Variants in RALYL observed in about 807,000 individuals in gnomAD.
RALYL encodes RNA-binding Raly-like protein.
In RALYL, 29 loss-of-function variants were observed where a neutral mutation model predicts 35.1. The ratio of observed to expected loss-of-function variants is 0.83; its 90% CI spans 0.61 to 1.13. The LOEUF (loss-of-function observed/expected upper bound fraction) is 1.13. Among genes scored for constraint, RALYL ranks in the 50% most tolerant of loss-of-function variants. RALYL has a pLI of 0.00. For synonymous variants in RALYL, 120 were observed against 127.6 expected, an observed-to-expected ratio of 0.94 and a Z score of 0.40; for missense variants, 359 against 360.4, an observed-to-expected ratio of 1.00 and a Z score of 0.03.
At chr8:84,622,607 A>G (rs1297140472) in intron 2 of RALYL, among the ~76,000 whole-genome samples, 1 of 152,152 alleles carries the variant, frequency 6.6e-6, no homozygotes, top group East Asian at 1.9e-4. Flanking sequence ...GCATTAGTAC[A>G]TATAATTATT....
chr8:84,726,932 A>G (rs1237115740), intron 2 of RALYL, among the ~76,000 whole-genome samples: 1 of 152,108 alleles, frequency 6.6e-6, no homozygotes, highest in East Asian at 1.9e-4. Flanking sequence ...TGCAGCCCTC[A>G]GGAAAATAAG....
chr8:84,461,692 A>C (rs1051214284), intron 1 of RALYL, among the ~76,000 whole-genome samples: 1 of 151,752 alleles, frequency 6.6e-6, no homozygotes, highest in Middle Eastern at 3.2e-3. Context: ...GGCAAAAAAT[A>C]ATTATTTAAA....
chr8:84,310,964 G>T (rs1324442564), intron 1 of RALYL, among the ~76,000 whole-genome samples: 1 of 137,950 alleles, frequency 7.2e-6, no homozygotes, highest in Non-Finnish European at 1.5e-5. Flanking sequence ...GGAGAATGGC[G>T]TGAACCCGGG....
At chr8:84,669,760 T>G (rs1012040000) in intron 2 of RALYL, among the ~76,000 whole-genome samples, 1 of 152,076 alleles carries the variant, frequency 6.6e-6, no homozygotes, top group Non-Finnish European at 1.5e-5. Flanking sequence ...CCATTACTAA[T>G]GGAGAAGGTG....
chr8:84,467,235 A>G (rs528182199), intron 1 of RALYL, among the ~76,000 whole-genome samples: 2 of 151,966 alleles, frequency 1.3e-5, no homozygotes, highest in South Asian at 4.2e-4. Context: ...TTGTGATGTT[A>G]GGGTGTCAGT....
At chr8:84,329,756 A>G (rs1248856601) in intron 1 of RALYL, among the ~76,000 whole-genome samples, 1 of 152,114 alleles carries the variant, frequency 6.6e-6, no homozygotes, top group African/African-American at 2.4e-5. Context: ...TAGAACTTCT[A>G]TATTTTTCAC....
chr8:84,737,378 C>T (rs1847506808), intron 2 of RALYL, among the ~76,000 whole-genome samples: 1 of 151,936 alleles, frequency 6.6e-6, no homozygotes, highest in Admixed American at 6.6e-5. Flanking sequence ...CTATGTACTA[C>T]TAATAGTCAA....
At chr8:84,915,840 T>C (rs1848378746) in intron 8 of RALYL, among the ~76,000 whole-genome samples, 1 of 152,066 alleles carries the variant, frequency 6.6e-6, no homozygotes, top group Admixed American at 6.6e-5. Flanking sequence ...TATTAGAAAA[T>C]TATTTGTGAT....
chr8:84,799,961 A>AAAAT (rs962318367), intron 3 of RALYL, among the ~76,000 whole-genome samples: 15 of 152,210 alleles, frequency 9.9e-5, no homozygotes, highest in Non-Finnish European at 1.6e-4. Flanking sequence ...CTCTGTCTCA[A>AAAAT]AAATAAATAA....
At chr8:84,640,878 G>C (rs932494012) in intron 2 of RALYL, among the ~76,000 whole-genome samples, 1 of 151,764 alleles carries the variant, frequency 6.6e-6, no homozygotes, top group Non-Finnish European at 1.5e-5. Flanking sequence ...TTATAACACA[G>C]GGGACCAATC....
chr8:84,723,119 G>A (rs1409406475), intron 2 of RALYL, among the ~76,000 whole-genome samples: 1 of 151,918 alleles, frequency 6.6e-6, no homozygotes, highest in East Asian at 1.9e-4. Flanking sequence ...TTTCTCTTGA[G>A]GCATCAGAAT....
At chr8:84,411,278 G>A (rs915890719) in intron 1 of RALYL, among the ~76,000 whole-genome samples, 1 of 151,762 alleles carries the variant, frequency 6.6e-6, no homozygotes, top group Non-Finnish European at 1.5e-5. Context: ...CTTGCTGATG[G>A]GGTCCACTAC....
chr8:84,596,185 T>C (rs535527167), intron 2 of RALYL, among the ~76,000 whole-genome samples: 2 of 152,260 alleles, frequency 1.3e-5, no homozygotes, highest in East Asian at 3.9e-4. Flanking sequence ...CATAAATATA[T>C]TGACACTCAA....
intron 1 of RALYL, among the ~76,000 whole-genome samples, chr8:84,512,505 T>G (rs1379695745): frequency 6.6e-6 from 1 of 152,178 alleles, no homozygotes; most frequent in Non-Finnish European, 1.5e-5. Context: ...GTTAATTGTT[T>G]CCTTTACTGT....
At chr8:84,515,155 C>A (rs1428624111) in intron 1 of RALYL, among the ~76,000 whole-genome samples, 1 of 152,158 alleles carries the variant, frequency 6.6e-6, no homozygotes, top group Non-Finnish European at 1.5e-5. Flanking sequence ...AAGCAATATT[C>A]CACTTTATTT....
intron 1 of RALYL, among the ~76,000 whole-genome samples, chr8:84,316,420 GTCA>G (rs1843761817): frequency 1.3e-5 from 2 of 152,160 alleles, no homozygotes; most frequent in African/African-American, 2.4e-5. Context: ...CATAAGTGAA[GTCA>G]TCATTAGTAC....
chr8:84,245,200 C>T (rs150241807), intron 1 of RALYL, among the ~76,000 whole-genome samples: 4 of 152,222 alleles, frequency 2.6e-5, no homozygotes, highest in South Asian at 2.1e-4. Flanking sequence ...TAGAGAGGGA[C>T]GCTGTTTCTG....
intron 2 of RALYL, among the ~76,000 whole-genome samples, chr8:84,545,163 C>T (rs1412954687): frequency 5.9e-5 from 9 of 152,054 alleles, no homozygotes; most frequent in Non-Finnish European, 1.2e-4. Flanking sequence ...TCCAGCTACA[C>T]CATCATCACT....
At chr8:84,252,403 G>C (rs186876839) in intron 1 of RALYL, among the ~76,000 whole-genome samples, 107 of 152,148 alleles carry the variant, frequency 7.0e-4, no homozygotes, top group Admixed American at 5.9e-4. Flanking sequence ...CCATAAACTA[G>C]AGGTTAAAGA....
Sources: gnomAD v4.1 joint callset for allele counts (sites outside exome capture counted in the v4.1 genomes callset) on GRCh38, gnomAD v4.1.1 for gene constraint, MANE v1.5 for transcripts, NCBI Gene and HGNC (gene_info 2026-07-23, HGNC 2026-07-21) for gene names.